Variants in OR1J2 observed in about 807,000 individuals in gnomAD.
OR1J2 encodes olfactory receptor family 1 subfamily J member 2, also known as olfactory receptor 1J2.
For synonymous variants in OR1J2, 142 were observed against 99.7 expected, an observed-to-expected ratio of 1.42 and a Z score of -2.52; for missense variants, 304 against 246.1, an observed-to-expected ratio of 1.24 and a Z score of -1.57.
chr9:122,516,711 A>G (rs1403119469), downstream of OR1J2, among the ~76,000 whole-genome samples: 4 of 152,212 alleles, frequency 2.6e-5, no homozygotes, highest in Non-Finnish European at 5.9e-5. Flanking sequence ...TAGATTTACA[A>G]GTTCAGGAAG....
the OR1J2 span, chr9:122,477,035 T>C: frequency 5.0e-6 from 8 of 1,613,984 alleles, no homozygotes; most frequent in Non-Finnish European, 6.8e-6. Flanking sequence ...AGGGCTCCCT[T>C]AATGTCTTTA....
chr9:122,519,312 C>T, the OR1J2 span: 1 of 1,614,100 alleles, frequency 6.2e-7, no homozygotes, highest in Non-Finnish European at 8.5e-7. Context: ...CCTTCACACC[C>T]CCATGTTCTT....
At chr9:122,548,603 T>TATATATATATATATATATATATA in the OR1J2 span, among the ~76,000 whole-genome samples, 1 of 149,598 alleles carries the variant, frequency 6.7e-6, no homozygotes, top group Non-Finnish European at 1.5e-5. Flanking sequence ...ATATATATAT[T>TATATATATATATATATATATATA]TTTATTATAC....
the OR1J2 span, chr9:122,553,376 C>T: frequency 6.2e-7 from 1 of 1,614,068 alleles, no homozygotes; most frequent in Non-Finnish European, 8.5e-7. Flanking sequence ...TCAGCTCTGA[C>T]CCACACCTCC....
chr9:122,498,544 G>T, the OR1J2 span, among the ~76,000 whole-genome samples: 56,239 of 151,880 alleles, frequency 0.37, 10,973 homozygotes, highest in African/African-American at 0.45. Context: ...AGCTTTAGAA[G>T]ATTTTTTGTG....
chr9:122,573,954 G>A, the OR1J2 span, among the ~76,000 whole-genome samples: 4 of 152,250 alleles, frequency 2.6e-5, no homozygotes, highest in East Asian at 1.9e-4. Flanking sequence ...GTATGTGGAC[G>A]TCCAGATAAT....
At chr9:122,463,185 T>C in the OR1J2 span, among the ~76,000 whole-genome samples, 5 of 152,198 alleles carry the variant, frequency 3.3e-5, no homozygotes, top group Non-Finnish European at 5.9e-5. Flanking sequence ...TGAGCTCTGA[T>C]TTTCTTTCTT....
the OR1J2 span, among the ~76,000 whole-genome samples, chr9:122,552,454 A>G: frequency 6.6e-6 from 1 of 152,192 alleles, no homozygotes; most frequent in Non-Finnish European, 1.5e-5. Flanking sequence ...ATAGAGATGC[A>G]TAGCAGCAAA....
the OR1J2 span, among the ~76,000 whole-genome samples, chr9:122,471,046 GAA>G: frequency 6.6e-6 from 1 of 152,164 alleles, no homozygotes; most frequent in African/African-American, 2.4e-5. Context: ...GGTTAATGCT[GAA>G]AAGAGTTAAA....
the OR1J2 span, among the ~76,000 whole-genome samples, chr9:122,554,793 T>G: frequency 8.4e-6 from 1 of 118,736 alleles, no homozygotes; most frequent in African/African-American, 2.9e-5. Flanking sequence ...TTCTTTAACT[T>G]AAAAGCACTC....
the OR1J2 span, among the ~76,000 whole-genome samples, chr9:122,518,075 T>C: frequency 6.6e-6 from 1 of 152,210 alleles, no homozygotes. Context: ...ATTGCAGCAC[T>C]ATTCCCAATA....
chr9:122,552,057 ACTCT>A, the OR1J2 span, among the ~76,000 whole-genome samples: 14,867 of 143,776 alleles, frequency 0.1, 998 homozygotes, highest in East Asian at 0.33. Flanking sequence ...ACACACATAC[ACTCT>A]CTCTCTCTCT....
chr9:122,500,789 G>A, the OR1J2 span, among the ~76,000 whole-genome samples: 1 of 152,066 alleles, frequency 6.6e-6, no homozygotes, highest in Non-Finnish European at 1.5e-5. Context: ...GATCGTTGAT[G>A]GTATAGGCTT....
At chr9:122,555,516 C>T in the OR1J2 span, among the ~76,000 whole-genome samples, 5 of 152,142 alleles carry the variant, frequency 3.3e-5, no homozygotes, top group African/African-American at 4.8e-5. Flanking sequence ...AATATCTCTC[C>T]TCTTTGGGAA....
At chr9:122,518,702 T>A in the OR1J2 span, among the ~76,000 whole-genome samples, 3 of 152,256 alleles carry the variant, frequency 2.0e-5, no homozygotes, top group South Asian at 4.1e-4. Flanking sequence ...TTTGGATATG[T>A]GTTATGGAAA....
the OR1J2 span, among the ~76,000 whole-genome samples, chr9:122,562,677 C>G: frequency 6.6e-6 from 1 of 152,246 alleles, no homozygotes; most frequent in Admixed American, 6.5e-5. Flanking sequence ...ACCTGGATAC[C>G]TTGGTTGCCG....
the OR1J2 span, chr9:122,567,950 G>C: frequency 6.2e-7 from 1 of 1,614,188 alleles, no homozygotes. Context: ...AGAGAAAGTG[G>C]TGGATAACAT....
the OR1J2 span, among the ~76,000 whole-genome samples, chr9:122,498,858 A>G: frequency 2.0e-5 from 3 of 151,768 alleles, no homozygotes; most frequent in African/African-American, 7.3e-5. Context: ...TCCTCTCCCC[A>G]TGAGGTGTAA....
chr9:122,451,749 G>A, the OR1J2 span, among the ~76,000 whole-genome samples: 1 of 152,128 alleles, frequency 6.6e-6, no homozygotes, highest in African/African-American at 2.4e-5. Flanking sequence ...CAATTTCCTA[G>A]CCTTCTCAGC....
Sources: allele counts gnomAD v4.1 joint callset (sites outside exome capture counted in the v4.1 genomes callset), GRCh38; gene constraint gnomAD v4.1.1; transcripts MANE v1.5; gene names NCBI Gene and HGNC (gene_info 2026-07-23, HGNC 2026-07-21).